Variants in ZNF740 observed in about 807,000 individuals in gnomAD.
ZNF740 encodes the protein zinc finger protein 740.
ZNF740 carries 14 observed loss-of-function variants against 24.8 expected under a neutral mutation model. The observed-to-expected ratio is 0.56, with a 90% CI of 0.37 to 0.88. The LOEUF (loss-of-function observed/expected upper bound fraction) is 0.88. Among genes scored for constraint, ZNF740 ranks in the 40% least tolerant of loss-of-function variants. The pLI is 0.00. For missense variants in ZNF740, 201 were observed against 247.9 expected, an observed-to-expected ratio of 0.81 and a Z score of 1.27; for synonymous variants, 69 against 84.0, an observed-to-expected ratio of 0.82 and a Z score of 0.98.
rs1401436731 is a variant in ZNF740 at position 53,186,372 on chromosome 12, C to T, written c.374-19C>T. 6.4e-7 allele frequency: 1 copy of T among 1,554,376 alleles called. No individual in the cohort carries two copies. Among genetic ancestry groups the T allele is most frequent in the Non-Finnish European group, 8.7e-7 (1 of 1,146,368 alleles). On this transcript the variant is annotated intron_variant, in intron 5 of 6. Transcript: ENST00000416904. ...TGTACATACCTCCCCACATTCACTT[C>T]TCTGTCCACCTGGGCCAGGTGAGAA...
In ZNF740 at chr12:53,193,246, C is replaced by CT. The variant is rs1942032821; in HGVS notation, c.*5659dup. On this transcript the variant is annotated 3_prime_UTR_variant, in exon 7 of 7. Coordinates refer to ENST00000416904, the MANE Select transcript of ZNF740 (RefSeq NM_001004304.4). ...TGCAGCGTCCACATTGACAGTGACCCTTTCCACTGCACAGGGGCCCTGTGC... is the reference window on the plus strand; with the variant it reads ...TGCAGCGTCCACATTGACAGTGACCCTTTTCCACTGCACAGGGGCCCTGTGC... The CT allele has an allele frequency of 1.9e-6, 3 of 1,614,196 alleles. No individual in the cohort carries two copies. The East Asian group carries it at 6.7e-5, about 36-fold the overall frequency.
Position 53,191,899 on chromosome 12 carries a change from CTG to C in ZNF740, c.*4311_*4312del, listed in dbSNP as rs779325309. On this transcript the variant is annotated 3_prime_UTR_variant, in exon 7 of 7. Transcript: ENST00000416904. The stretch of plus-strand genomic sequence containing the variant: ...TTGTTGCTGCTCCTTCTCAAAGCGA[CTG>C]TATTCCCGGCGGTCATAGATTTCCA... 3.1e-6 allele frequency: 5 copies of C among 1,612,794 alleles called. No homozygotes were observed. The highest frequency in any genetic ancestry group is 1.3e-5 in the African/African-American group (1 of 74,904).
At chr12:53,186,232 A>G (rs1941818084) in intron 5 of ZNF740, among the ~76,000 whole-genome samples, 155 bp downstream of exon 5, 1 of 152,204 alleles carries the variant, frequency 6.6e-6, no homozygotes, top group Non-Finnish European at 1.5e-5. Context: ...ATGGCTTTGT[A>G]TCTGGTGTCA....
chr12:53,180,805 G>T lies in ZNF740; in HGVS notation c.-340G>T. ...TGGGGCCTGGAGGAGGCGCCGCGCG[G>T]CCAGGGAGCCAGCGGGAGGCCGCGC... On this transcript the variant is annotated 5_prime_UTR_variant, in exon 1 of 7. Transcript: ENST00000416904. The T allele has an allele frequency of 1.6e-6, 2 of 1,272,448 alleles. No homozygotes were observed. Among genetic ancestry groups the T allele is most frequent in the Non-Finnish European group, 2.0e-6 (2 of 982,324 alleles). The allele number at this position is 1,272,448 out of a possible 1,614,324, so 78.8% of individuals were successfully genotyped here. A position where few individuals can be genotyped will look rare whatever the true frequency, so the allele number is the denominator to read the frequency against.
rs1238759328 is a variant in ZNF740 at position 53,193,210 on chromosome 12, T to C, written c.*5620T>C. 1 of 1,614,082 alleles carries C rather than the reference T, an allele frequency of 6.2e-7. No homozygotes were observed. The highest frequency in any genetic ancestry group is 1.1e-5 in the South Asian group (1 of 91,078). ...ACTCGCACAGATGCCCAGAGCTCTG[T>C]CCACTGCAGCTGCAGCGTCCACATT... On this transcript the variant is annotated 3_prime_UTR_variant, in exon 7 of 7. Coordinates refer to ENST00000416904, the MANE Select transcript of ZNF740 (RefSeq NM_001004304.4).
chr12:53,184,150 T>TGTGTGTGTGTGC (rs59250662), intron 2 of ZNF740, among the ~76,000 whole-genome samples: 134 of 104,398 alleles, frequency 1.3e-3, no homozygotes, highest in East Asian at 7.6e-3. Flanking sequence ...TGTGTGTGTG[T>TGTGTGTGTGTGC]GCGCGCGCGC....
Position 53,187,493 on chromosome 12 carries a change from C to A in ZNF740, c.493-8C>A. The A allele has an allele frequency of 6.2e-7, 1 of 1,613,682 alleles. No individual in the cohort carries two copies. The highest frequency in any genetic ancestry group is 8.5e-7 in the Non-Finnish European group (1 of 1,179,650). ...TGCTCAGGCACTTAACCCTCCCTTTCTTCTCAGTGTTTTTCTCGGACAGAT... is the reference window on the plus strand; with the variant it reads ...TGCTCAGGCACTTAACCCTCCCTTTATTCTCAGTGTTTTTCTCGGACAGAT... On this transcript the variant is annotated splice_polypyrimidine_tract_variant and splice_region_variant and intron_variant, in intron 6 of 6. Transcript: ENST00000416904.
rs575915613 is a variant in ZNF740 at position 53,189,214 on chromosome 12, C to G, written c.*1624C>G. On this transcript the variant is annotated 3_prime_UTR_variant, in exon 7 of 7. Transcript: ENST00000416904. ...TTTTCTAAGGTGAAATAAACCTTTTCTTTCTGCTAAAGAAAGAATCCTTAT... is the reference window on the plus strand; with the variant it reads ...TTTTCTAAGGTGAAATAAACCTTTTGTTTCTGCTAAAGAAAGAATCCTTAT... The G allele has an allele frequency of 6.6e-6, 1 of 152,004 alleles. No individual in the cohort carries two copies. The highest frequency in any genetic ancestry group is 1.9e-4 in the East Asian group (1 of 5,154). 9.4% of individuals were successfully genotyped at this position (152,004 alleles called of 1,614,324 possible). A position where few individuals can be genotyped will look rare whatever the true frequency, so the allele number is the denominator to read the frequency against.
chr12:53,192,172 T>C lies in ZNF740; in HGVS notation c.*4582T>C. On this transcript the variant is annotated 3_prime_UTR_variant, in exon 7 of 7. Coordinates refer to ENST00000416904, the MANE Select transcript of ZNF740 (RefSeq NM_001004304.4). ...AAGGTTATCCTCACCGCCCAGGGCCTTAGCCTCGTCCACTTGCTCAATTGC... is the reference window on the plus strand; with the variant it reads ...AAGGTTATCCTCACCGCCCAGGGCCCTAGCCTCGTCCACTTGCTCAATTGC... The C allele has an allele frequency of 8.3e-7, 1 of 1,198,716 alleles. No individual in the cohort carries two copies. The highest frequency in any genetic ancestry group is 1.2e-6 in the Non-Finnish European group (1 of 853,544). The allele number at this position is 1,198,716 out of a possible 1,614,324, so 74.3% of individuals were successfully genotyped here. A position where few individuals can be genotyped will look rare whatever the true frequency, so the allele number is the denominator to read the frequency against.
intron 1 of ZNF740, chr12:53,181,297 C>T (rs565819936): frequency 3.0e-6 from 3 of 985,330 alleles, no homozygotes; most frequent in South Asian, 9.4e-5. Flanking sequence ...CCGAAGCACC[C>T]AGCGATGGCC....
chr12:53,186,087 T>C lies in ZNF740; in HGVS notation c.373+10T>C, dbSNP rs780819361. ...ATCCTTATTCACACTGGTAAGTCTC[T>C]TGTTTATATTCAAAAGGGGGAGAAT... On this transcript the variant is annotated intron_variant, in intron 5 of 6. Coordinates refer to ENST00000416904, the MANE Select transcript of ZNF740 (RefSeq NM_001004304.4). 2.5e-6 allele frequency: 4 copies of C among 1,607,734 alleles called. No homozygotes were observed. In the Admixed American group the frequency reaches 6.7e-5, roughly 27 times the overall value.
chr12:53,189,937 C>G lies in ZNF740; in HGVS notation c.*2347C>G, dbSNP rs1941898356. 6.9e-6 allele frequency: 1 copy of G among 145,754 alleles called. No individual in the cohort carries two copies. The highest frequency in any genetic ancestry group is 2.5e-5 in the African/African-American group (1 of 39,386). 9.0% of individuals were successfully genotyped at this position (145,754 alleles called of 1,614,324 possible). A position where few individuals can be genotyped will look rare whatever the true frequency, so the allele number is the denominator to read the frequency against. On this transcript the variant is annotated 3_prime_UTR_variant, in exon 7 of 7. Transcript: ENST00000416904. ...TGTGGAGAGATTCATGTAAGTCTCACATGAGTGACCTGTGCCCCTATGTGT... is the reference window on the plus strand; with the variant it reads ...TGTGGAGAGATTCATGTAAGTCTCAGATGAGTGACCTGTGCCCCTATGTGT...
intron 6 of ZNF740, among the ~76,000 whole-genome samples, chr12:53,187,293 T>C (rs1941842179): frequency 6.6e-6 from 1 of 152,178 alleles, no homozygotes; most frequent in Admixed American, 6.5e-5. Flanking sequence ...TTGCCCAAGG[T>C]CACACAGCTG....
chr12:53,185,780 C>T (rs548989810), intron 4 of ZNF740, among the ~76,000 whole-genome samples, 174 bp from the exon 5 acceptor site: 1 of 152,354 alleles, frequency 6.6e-6, no homozygotes, highest in East Asian at 1.9e-4. Flanking sequence ...TTACCCACTC[C>T]ACCTCCTTCC....
At chr12:53,184,150 T>TGCGCGC (rs377127380) in intron 2 of ZNF740, among the ~76,000 whole-genome samples, 76 of 104,422 alleles carry the variant, frequency 7.3e-4, no homozygotes, top group Middle Eastern at 4.9e-3. Flanking sequence ...TGTGTGTGTG[T>TGCGCGC]GCGCGCGCGC....
chr12:53,193,846 A>G lies in ZNF740; in HGVS notation c.*6256A>G. 4.3e-6 allele frequency: 7 copies of G among 1,614,116 alleles called. No individual in the cohort carries two copies. Among genetic ancestry groups the G allele is most frequent in the Non-Finnish European group, 5.9e-6 (7 of 1,180,002 alleles). ...TGAGAAGCCAAGGGCCCGGAGCCTC[A>G]GGAGATGGGGCTCTGGGAGGCAGTG... On this transcript the variant is annotated 3_prime_UTR_variant, in exon 7 of 7. Transcript: ENST00000416904.
chr12:53,185,086 A>G (rs1941797195), intron 3 of ZNF740, 46 bp downstream of exon 3: 1 of 1,609,098 alleles, frequency 6.2e-7, no homozygotes, highest in South Asian at 1.1e-5. Context: ...CGGGTGGCCC[A>G]AGCTCTCTGC....
chr12:53,192,550 A>G lies in ZNF740; in HGVS notation c.*4960A>G, dbSNP rs375492128. On this transcript the variant is annotated 3_prime_UTR_variant, in exon 7 of 7. Coordinates refer to ENST00000416904, the MANE Select transcript of ZNF740 (RefSeq NM_001004304.4). The stretch of plus-strand genomic sequence containing the variant: ...ACTCTGCACAGTCCCTGTGTAGTAG[A>G]TGCCAATAGGTTACCAGCTGGGCAG... 3.1e-6 allele frequency: 5 copies of G among 1,612,974 alleles called. No homozygotes were observed. The highest frequency in any genetic ancestry group is 1.3e-5 in the African/African-American group (1 of 74,918).
rs1217081241 is a variant in ZNF740, at chr12:53,192,164, C to T, written c.*4574C>T. On this transcript the variant is annotated 3_prime_UTR_variant, in exon 7 of 7. Transcript: ENST00000416904. ...GGAGGTCCAAGGTTATCCTCACCGC[C>T]CAGGGCCTTAGCCTCGTCCACTTGC... The T allele has an allele frequency of 3.3e-6, 4 of 1,217,948 alleles. No individual in the cohort carries two copies. The highest frequency in any genetic ancestry group is 3.0e-5 in the African/African-American group (2 of 66,010). 75.4% of individuals were successfully genotyped at this position (1,217,948 alleles called of 1,614,324 possible). A position where few individuals can be genotyped will look rare whatever the true frequency, so the allele number is the denominator to read the frequency against.
Sources: allele counts gnomAD v4.1 joint callset (sites outside exome capture counted in the v4.1 genomes callset), GRCh38; gene constraint gnomAD v4.1.1; transcripts MANE v1.5; gene names NCBI Gene and HGNC (gene_info 2026-07-23, HGNC 2026-07-21).